The following KCNA7 variants were observed in gnomAD, a reference collection of about 807,000 sequenced individuals.
The protein encoded by KCNA7 is potassium voltage-gated channel subfamily A member 7.
KCNA7 carries 15 observed loss-of-function variants against 21.5 expected under a neutral mutation model. The ratio of observed to expected loss-of-function variants is 0.70; its 90% confidence interval spans 0.47 to 1.07. KCNA7 has a LOEUF of 1.07. Among genes scored for constraint, KCNA7 ranks in the 50% least tolerant of loss-of-function variants. KCNA7 has a pLI of 0.00. For synonymous variants in KCNA7, 298 were observed against 291.0 expected (o/e 1.02, Z -0.24); for missense variants, 640 against 651.6 (o/e 0.98, Z 0.19).
At position 49,070,860 on chromosome 19, in the gene KCNA7, C is replaced by T. The variant is rs1227932389; in HGVS notation, c.574G>A (p.Gly192Ser). The T allele has an allele frequency of 6.2e-7, 1 of 1,613,404 alleles. No individual in the cohort carries two copies. Among genetic ancestry groups the T allele is most frequent in the Non-Finnish European group, 8.5e-7 (1 of 1,179,632 alleles). The part of the protein sequence containing the change: ...AAGPFPAPLN[G>S]SSQMPGNPPR... ...GGATTTCCAGGCATTTGGCTGGAGC[C>T]ATTCAGCGGAGCGGGGAACTGCAGG... Residue 192 changes from glycine (G) to serine (S), a missense_variant, in exon 2 of 2, where the codon GGC becomes AGC. Gly to Ser is a moderately conservative substitution (Grantham distance 56). Coordinates refer to ENST00000221444, the MANE Select transcript of KCNA7 (RefSeq NM_031886.3). The surrounding 1 kb of genome is among the most constrained non-coding windows in gnomAD (Gnocchi z 4.3).
chr19:49,068,331 G>T lies in KCNA7; in HGVS notation c.*1732C>A. The stretch of plus-strand genomic sequence containing the variant: ...CACTGGCTCTTTTTGTTTGTTTGTT[G>T]AGACGGGGGCTCCCTCTGTTGCCCA... On this transcript the variant is annotated 3_prime_UTR_variant, in exon 2 of 2. Coordinates refer to ENST00000221444, the MANE Select transcript of KCNA7 (RefSeq NM_031886.3). 1 of 151,742 alleles carries T rather than the reference G, an allele frequency of 6.6e-6. No homozygotes were observed. Among genetic ancestry groups the T allele is most frequent in the South Asian group, 2.1e-4 (1 of 4,792 alleles). The allele number at this position is 151,742 out of a possible 1,614,324, so 9.4% of individuals were successfully genotyped here.
In KCNA7 at chr19:49,067,725, G is replaced by A. The variant is rs1252873668; in HGVS notation, c.*2338C>T. 1 of 152,134 alleles carries A rather than the reference G, an allele frequency of 6.6e-6. No individual in the cohort carries two copies. Among genetic ancestry groups the A allele is most frequent in the East Asian group, 1.9e-4 (1 of 5,180 alleles). The allele number at this position is 152,134 out of a possible 1,614,324, so 9.4% of individuals were successfully genotyped here. On this transcript the variant is annotated 3_prime_UTR_variant, in exon 2 of 2. Transcript: ENST00000221444. ...TTGGGAAGCCACTCCCCTGCTCTGAGACTCAGGTTTCTCCCCTGGAAAACA... is the reference window on the plus strand; with the variant it reads ...TTGGGAAGCCACTCCCCTGCTCTGAAACTCAGGTTTCTCCCCTGGAAAACA...
At position 49,070,580 on chromosome 19, in the gene KCNA7, A is replaced by T. The variant is rs2040250044; in HGVS notation, c.854T>A (p.Val285Asp). The T allele has an allele frequency of 6.2e-7, 1 of 1,614,084 alleles. No individual in the cohort carries two copies. Among genetic ancestry groups the T allele is most frequent in the Non-Finnish European group, 8.5e-7 (1 of 1,180,038 alleles). ...CCGGGACAGCTTGAAGATGCGGAAG[A>T]CACGCACCAATCGGATGACTCTCAG... ...AILRVIRLVR[V>D]FRIFKLSRHS... is the part of the protein sequence containing the mutation. Residue 285 changes from valine to aspartate, a missense_variant, in exon 2 of 2, where the codon GTC becomes GAC. By Grantham distance (152) the Val-to-Asp change is radical. Coordinates refer to ENST00000221444, the MANE Select transcript of KCNA7 (RefSeq NM_031886.3). The surrounding 1 kb of genome is among the most constrained non-coding windows in gnomAD (Gnocchi z 4.3).
In KCNA7 at chr19:49,070,551, A is replaced by C; in HGVS notation, c.883T>G (p.Ser295Ala). 2 of 1,614,176 alleles carry C rather than the reference A, an allele frequency of 1.2e-6. No individual in the cohort carries two copies. Among genetic ancestry groups the C allele is most frequent in the South Asian group, 2.2e-5 (2 of 91,080 alleles). The change falls in exon 2 of 2, where the codon TCA (serine) becomes GCA (alanine). Residue 295 changes from serine (S) to alanine (A), a missense_variant. By Grantham distance (99) the Ser-to-Ala change is moderately conservative. Transcript: ENST00000221444. This position sits in a 1 kb window ranked among gnomAD's most constrained non-coding sequence, Gnocchi z 4.3. ...TGGCCCAAGATTTGCAGGCCCTTTG[A>C]GTGCCGGGACAGCTTGAAGATGCGG... ...VFRIFKLSRH[S>A]KGLQILGQTL...
At chr19:49,071,374 G>A (rs950971062) in intron 1 of KCNA7, among the ~76,000 whole-genome samples, 1 of 151,986 alleles carries the variant, frequency 6.6e-6, no homozygotes, top group Non-Finnish European at 1.5e-5. Context: ...TGGCCAACAC[G>A]GTGAAACCCC....
rs141191302 is a variant in KCNA7 at position 49,070,515 on chromosome 19, C to T, written c.919G>A (p.Ala307Thr). 2 of 1,614,058 alleles carry T rather than the reference C, an allele frequency of 1.2e-6. No individual in the cohort carries two copies. The highest frequency in any genetic ancestry group is 2.7e-5 in the African/African-American group (2 of 74,936). ...GLQILGQTLR[A>T]SMRELGLLIF... Reference sequence around the variant, plus strand: ...AGGAGGCCCAGCTCACGCATGGAGGCCCGAAGCGTCTGGCCCAAGATTTGC... The same window carrying T: ...AGGAGGCCCAGCTCACGCATGGAGGTCCGAAGCGTCTGGCCCAAGATTTGC... Residue 307 changes from alanine (A) to threonine (T), a missense_variant, in exon 2 of 2, where the codon GCC (alanine) becomes ACC (threonine). By Grantham distance (58) the Ala-to-Thr change is moderately conservative. Transcript: ENST00000221444. This position sits in a 1 kb window ranked among gnomAD's most constrained non-coding sequence, Gnocchi z 4.3.
In KCNA7 at chr19:49,070,105, TGGA is replaced by T. The variant is rs10535426; in HGVS notation, c.1326_1328del (p.Pro443del). Reference sequence around the variant, plus strand: ...GGTGTTTCCCTGGGGGTGCCCAGAGTGGAGGTGGTAGCTCAGGTACCTCCCCGT... The same window carrying T: ...GGTGTTTCCCTGGGGGTGCCCAGAGTGGTGGTAGCTCAGGTACCTCCCCGT... On this transcript the variant is annotated inframe_deletion, in exon 2 of 2. Coordinates refer to ENST00000221444, the MANE Select transcript of KCNA7 (RefSeq NM_031886.3). The surrounding 1 kb of genome is among the most constrained non-coding windows in gnomAD (Gnocchi z 4.3). 0.11 allele frequency: 169,674 copies of T among 1,612,154 alleles called. 10,183 individuals are homozygous for T. Among genetic ancestry groups the T allele is most frequent in the African/African-American group, 0.26 (19,291 of 74,626 alleles).
chr19:49,071,961 C>G, intron 1 of KCNA7, 70 bp downstream of exon 1: 2 of 1,438,834 alleles, frequency 1.4e-6, no homozygotes, highest in Non-Finnish European at 1.9e-6. Flanking sequence ...TATGATTGGC[C>G]AGGTCCCCTC....
intron 1 of KCNA7, among the ~76,000 whole-genome samples, 185 bp downstream of exon 1, chr19:49,071,846 C>T (rs528502579): frequency 2.0e-3 from 303 of 152,362 alleles, no homozygotes; most frequent in African/African-American, 7.1e-3. Context: ...CTGACCTCAA[C>T]CCCACCTTCT....
Position 49,070,108 on chromosome 19 carries a change from AGGT to A in KCNA7, c.1323_1325del (p.Pro443del). On this transcript the variant is annotated inframe_deletion, in exon 2 of 2. Transcript: ENST00000221444. This position sits in a 1 kb window ranked among gnomAD's most constrained non-coding sequence, Gnocchi z 4.3. Reference sequence around the variant, plus strand: ...GTTTCCCTGGGGGTGCCCAGAGTGGAGGTGGTAGCTCAGGTACCTCCCCGTCCA... The same window carrying A: ...GTTTCCCTGGGGGTGCCCAGAGTGGAGGTAGCTCAGGTACCTCCCCGTCCA... 7.7e-7 allele frequency: 1 copy of A among 1,294,352 alleles called. No individual in the cohort carries two copies. Among genetic ancestry groups the A allele is most frequent in the African/African-American group, 2.4e-5 (1 of 41,164 alleles). 80.2% of individuals were successfully genotyped at this position (1,294,352 alleles called of 1,614,324 possible).
At position 49,072,586 on chromosome 19, in the gene KCNA7, G is replaced by A; in HGVS notation, c.-1C>T. On this transcript the variant is annotated 5_prime_UTR_variant, in exon 1 of 2. Transcript: ENST00000221444. ...ACGGCGGCGGGCACCGCGGCTCCATGGCGCGCGCAGCCCCGGCGACCCGCG... is the reference window on the plus strand; with the variant it reads ...ACGGCGGCGGGCACCGCGGCTCCATAGCGCGCGCAGCCCCGGCGACCCGCG... The A allele has an allele frequency of 7.9e-7, 1 of 1,264,388 alleles. No homozygotes were observed. The highest frequency in any genetic ancestry group is 9.9e-7 in the Non-Finnish European group (1 of 1,010,150). The allele number at this position is 1,264,388 out of a possible 1,614,324, so 78.3% of individuals were successfully genotyped here.
In KCNA7 at chr19:49,072,636, G is replaced by A; in HGVS notation, c.-51C>T. 9.4e-7 allele frequency: 1 copy of A among 1,063,448 alleles called. No individual in the cohort carries two copies. The highest frequency in any genetic ancestry group is 1.1e-6 in the Non-Finnish European group (1 of 880,640). The allele number at this position is 1,063,448 out of a possible 1,614,324, so 65.9% of individuals were successfully genotyped here. On this transcript the variant is annotated 5_prime_UTR_variant, in exon 1 of 2. Transcript: ENST00000221444. ...GAACCGACGTGTGGCCCCGACGCCC[G>A]GCCCCGGTGCGGCCCCGCCTCGGCC...
chr19:49,069,805 A>G lies in KCNA7; in HGVS notation c.*258T>C. 1 of 487,874 alleles carries G rather than the reference A, an allele frequency of 2.0e-6. No homozygotes were observed. Among genetic ancestry groups the G allele is most frequent in the Non-Finnish European group, 3.7e-6 (1 of 273,542 alleles). The allele number at this position is 487,874 out of a possible 1,614,324, so 30.2% of individuals were successfully genotyped here. On this transcript the variant is annotated 3_prime_UTR_variant, in exon 2 of 2. Transcript: ENST00000221444. ...CCAAAAGGCTCCATGAGCTTTGCAC[A>G]ACTCAGAGTAATATGAACCAATTGA...
In KCNA7 at chr19:49,068,652, T is replaced by C. The variant is rs1182784445; in HGVS notation, c.*1411A>G. 2 of 152,384 alleles carry C rather than the reference T, an allele frequency of 1.3e-5. No individual in the cohort carries two copies. Among genetic ancestry groups the C allele is most frequent in the Non-Finnish European group, 2.9e-5 (2 of 68,234 alleles). 9.4% of individuals were successfully genotyped at this position (152,384 alleles called of 1,614,324 possible). On this transcript the variant is annotated 3_prime_UTR_variant, in exon 2 of 2. Transcript: ENST00000221444. The stretch of plus-strand genomic sequence containing the variant: ...TTGGTCTCTGTCTCCCCACTCTGGA[T>C]TTCTGTTCCTCTCTTCTGCGTCTCT...
In KCNA7 at chr19:49,069,861, A is replaced by G. The variant is rs76646140; in HGVS notation, c.*202T>C. The G allele has an allele frequency of 7.4e-4, 429 of 580,416 alleles. 2 individuals are homozygous for G. In the East Asian group the frequency reaches 0.011, roughly 15 times the overall value. 36.0% of individuals were successfully genotyped at this position (580,416 alleles called of 1,614,324 possible). A position where few individuals can be genotyped will look rare whatever the true frequency, so the allele number is the denominator to read the frequency against. ...CATTAACACAACACAACCCATTGCC[A>G]TTCGCTGCTGCTTCAGGAGGTACCC... On this transcript the variant is annotated 3_prime_UTR_variant, in exon 2 of 2. Coordinates refer to ENST00000221444, the MANE Select transcript of KCNA7 (RefSeq NM_031886.3).
intron 1 of KCNA7, among the ~76,000 whole-genome samples, chr19:49,071,192 G>A (rs1339689999): frequency 6.6e-6 from 1 of 152,076 alleles, no homozygotes; most frequent in Non-Finnish European, 1.5e-5. Context: ...TGATTTTCTA[G>A]ATGGGGAGCA....
Position 49,070,452 on chromosome 19 carries a change from T to A in KCNA7, c.982A>T (p.Ser328Cys), listed in dbSNP as rs779415531. ...TCAACTTCGGCAAAGTAGACGGCGCTGGAAAAGAGGACCACACCGATGAAG... is the reference window on the plus strand; with the variant it reads ...TCAACTTCGGCAAAGTAGACGGCGCAGGAAAAGAGGACCACACCGATGAAG... ...FLFIGVVLFS[S>C]AVYFAEVDRV... The change falls in exon 2 of 2, where the codon AGC becomes TGC. Residue 328 changes from serine to cysteine, a missense_variant. Ser to Cys is a moderately radical substitution (Grantham distance 112). Transcript: ENST00000221444. The surrounding 1 kb of genome is among the most constrained non-coding windows in gnomAD (Gnocchi z 4.3). 24 of 1,613,908 alleles carry A rather than the reference T, an allele frequency of 1.5e-5. No individual in the cohort carries two copies. The highest frequency in any genetic ancestry group is 2.0e-5 in the Non-Finnish European group (24 of 1,180,006).
chr19:49,070,012 T>C lies in KCNA7; in HGVS notation c.*51A>G, dbSNP rs1256211422. On this transcript the variant is annotated 3_prime_UTR_variant, in exon 2 of 2. Transcript: ENST00000221444. The surrounding 1 kb of genome is among the most constrained non-coding windows in gnomAD (Gnocchi z 4.3). The stretch of plus-strand genomic sequence containing the variant: ...CCCAGCCTTGCCCTCCACCCTGCCC[T>C]CCCTCCCTCCCTCTAGGGAGGTGTG... 2.5e-6 allele frequency: 2 copies of C among 812,422 alleles called. No individual in the cohort carries two copies. The allele number at this position is 812,422 out of a possible 1,614,324, so 50.3% of individuals were successfully genotyped here. A position where few individuals can be genotyped will look rare whatever the true frequency, so the allele number is the denominator to read the frequency against.
Position 49,072,372 on chromosome 19 carries a change from A to G in KCNA7, c.214T>C (p.Tyr72His), listed in dbSNP as rs779716853. ...CGCCGCAGCCGCCCACCGGACTGGT[A>G]GTAGTAGAGCACGGCGTCGAAGCTG... ...RPSFDAVLYYYQSGGRLRRPA... is the reference protein window; with the variant it reads ...RPSFDAVLYYHQSGGRLRRPA... The change falls in exon 1 of 2, where the codon TAC (tyrosine) becomes CAC (histidine). Residue 72 changes from tyrosine (Y) to histidine (H), a missense_variant. Tyr to His is a moderately conservative substitution (Grantham distance 83, BLOSUM62 2). Transcript: ENST00000221444. 6.3e-7 allele frequency: 1 copy of G among 1,592,422 alleles called. No homozygotes were observed. Among genetic ancestry groups the G allele is most frequent in the Non-Finnish European group, 8.5e-7 (1 of 1,174,618 alleles).
Sources: gnomAD v4.1 joint callset for allele counts (sites outside exome capture counted in the v4.1 genomes callset) on GRCh38, gnomAD v4.1.1 for gene constraint, Gnocchi (gnomAD v3.1) non-coding constraint, MANE v1.5 for transcripts, NCBI Gene and HGNC (gene_info 2026-07-23, HGNC 2026-07-21) for gene names.